ALMS1: variants seen among roughly 807,000 people sequenced by gnomAD.
ALMS1 encodes ALMS1 centrosome and basal body associated protein, also known as centrosome-associated protein ALMS1.
Under a neutral mutation model 352.2 loss-of-function variants are expected in ALMS1, and 271 were observed. The observed-to-expected ratio is 0.77, with a 90% CI of 0.70 to 0.85. The LOEUF (loss-of-function observed/expected upper bound fraction) is 0.85, where lower values mean the gene tolerates loss of function less well. Among genes scored for constraint, ALMS1 ranks in the 40% least tolerant of loss-of-function variants. The pLI, the probability that ALMS1 is intolerant of heterozygous loss-of-function variation, is 0.00. For missense variants in ALMS1, 5,445 were observed against 4,870.7 expected, an observed-to-expected ratio of 1.12 and a Z score of -3.51; for synonymous variants, 1,865 against 1,761.2, an observed-to-expected ratio of 1.06 and a Z score of -1.48.
chr2:73,502,956 C>A (rs72811931), intron 10 of ALMS1, among the ~76,000 whole-genome samples: 4,906 of 152,154 alleles, frequency 0.032, 117 homozygotes, highest in Non-Finnish European at 0.049. Flanking sequence ...CAATCACTTT[C>A]GTGTAATATA....
At chr2:73,603,382 A>C in intron 21 of ALMS1, 78 bp downstream of exon 21, 3 of 1,271,044 alleles carry the variant, frequency 2.4e-6, no homozygotes, top group Non-Finnish European at 2.3e-6. Context: ...GCTTGCACCC[A>C]GAATAAATGT....
At chr2:73,595,779 C>T (rs1675534590) in intron 16 of ALMS1, among the ~76,000 whole-genome samples, 1 of 152,194 alleles carries the variant, frequency 6.6e-6, no homozygotes, top group African/African-American at 2.4e-5. Flanking sequence ...GGTTTCTCCA[C>T]TTCCTTGTCA....
At chr2:73,483,041 T>C (rs1345505010) in intron 9 of ALMS1, among the ~76,000 whole-genome samples, 1 of 152,154 alleles carries the variant, frequency 6.6e-6, no homozygotes, top group Admixed American at 6.5e-5. Flanking sequence ...ATTCATTAAT[T>C]TTTTGAAGGG....
In ALMS1 at chr2:73,412,383, A is replaced by G. The variant is rs141368503; in HGVS notation, c.450+3636A>G. Among the ~76,000 whole-genome samples the G allele has an allele frequency of 8.4e-3, 1,281 of 152,292 alleles. 16 individuals carry two copies. The highest frequency in any genetic ancestry group is 0.027 in the African/African-American group (1,133 of 41,566). On this transcript the variant is annotated intron_variant, in intron 2 of 22. Coordinates refer to ENST00000613296, the MANE Select transcript of ALMS1 (RefSeq NM_001378454.1). ...TCACTTGGCTTAGCTTTTGAGATTT[A>G]TCCATGTTGTTGCATGTATCAATAA...
intron 12 of ALMS1, among the ~76,000 whole-genome samples, chr2:73,547,678 C>T (rs543503116): frequency 6.6e-6 from 1 of 152,174 alleles, no homozygotes; most frequent in South Asian, 2.1e-4. Context: ...TTAAAGTGTT[C>T]GGATTTTATT....
Position 73,435,437 on chromosome 2 carries a change from G to A in ALMS1, c.1432+3146G>A, listed in dbSNP as rs552608791. Among the ~76,000 whole-genome samples the A allele has an allele frequency of 2.7e-5, 4 of 150,870 alleles. No individual in the cohort carries two copies. The East Asian group carries it at 7.8e-4, about 29-fold the overall frequency. On this transcript the variant is annotated intron_variant, in intron 7 of 22. Coordinates refer to ENST00000613296, the MANE Select transcript of ALMS1 (RefSeq NM_001378454.1). ...GTTATATTCTTAGTGATTACTCTGGGGCTTATAATATTTATCTTATCAGAA... is the reference window on the plus strand; with the variant it reads ...GTTATATTCTTAGTGATTACTCTGGAGCTTATAATATTTATCTTATCAGAA...
chr2:73,412,752 C>T (rs773113957), intron 2 of ALMS1, among the ~76,000 whole-genome samples: 4 of 152,038 alleles, frequency 2.6e-5, no homozygotes, highest in Admixed American at 6.6e-5. Flanking sequence ...GTCAGGATGG[C>T]GCCAGTGCAC....
chr2:73,541,949 G>C (rs549927141), intron 12 of ALMS1, among the ~76,000 whole-genome samples: 1 of 152,154 alleles, frequency 6.6e-6, no homozygotes, highest in East Asian at 1.9e-4. Context: ...ACAAGGAGGA[G>C]CTGGTACCAT....
At chr2:73,600,496 C>T (rs751035353) in intron 17 of ALMS1, among the ~76,000 whole-genome samples, 182 bp from the exon 18 acceptor site, 16 of 151,976 alleles carry the variant, frequency 1.1e-4, no homozygotes, top group Non-Finnish European at 2.1e-4. Flanking sequence ...TTTTCTTTGC[C>T]CTCTTTTTCC....
At chr2:73,596,541 G>A (rs940834590) in intron 16 of ALMS1, among the ~76,000 whole-genome samples, 1 of 149,420 alleles carries the variant, frequency 6.7e-6, no homozygotes, top group Non-Finnish European at 1.5e-5. Flanking sequence ...GCACAATCTC[G>A]GCACACTGCA....
intron 20 of ALMS1, 26 bp downstream of exon 20, chr2:73,602,394 G>A (rs753466224): frequency 1.9e-6 from 3 of 1,613,608 alleles, no homozygotes; most frequent in Admixed American, 1.7e-5. Flanking sequence ...TCACTTTCCT[G>A]TGAGTGGAAT....
intron 7 of ALMS1, 21 bp downstream of exon 7, chr2:73,432,312 GT>G: frequency 6.5e-7 from 1 of 1,544,496 alleles, no homozygotes; most frequent in Non-Finnish European, 9.0e-7. Context: ...AAAGGAGATA[GT>G]AAATGTCCTA....
At chr2:73,426,867 T>A (rs1671390442) in intron 6 of ALMS1, among the ~76,000 whole-genome samples, 1 of 152,216 alleles carries the variant, frequency 6.6e-6, no homozygotes, top group African/African-American at 2.4e-5. Flanking sequence ...TTTGAAAAAT[T>A]TCCAAATTTT....
intron 1 of ALMS1, among the ~76,000 whole-genome samples, chr2:73,394,020 C>T (rs1276683837): frequency 2.0e-5 from 3 of 151,794 alleles, no homozygotes; most frequent in Non-Finnish European, 2.9e-5. Context: ...GGAATCTCAC[C>T]ATGTTGCCCA....
chr2:73,488,937 C>T (rs1439711994), intron 9 of ALMS1, among the ~76,000 whole-genome samples: 1 of 152,158 alleles, frequency 6.6e-6, no homozygotes, highest in Non-Finnish European at 1.5e-5. Flanking sequence ...GGTCAAGCTT[C>T]TGTAATAGCC....
At chr2:73,527,139 A>G (rs1572996328) in intron 11 of ALMS1, among the ~76,000 whole-genome samples, 1 of 152,012 alleles carries the variant, frequency 6.6e-6, no homozygotes, top group East Asian at 1.9e-4. Context: ...ATGATGAATG[A>G]TCTTTTTAAT....
At chr2:73,492,033 T>G (rs568527675) in intron 10 of ALMS1, among the ~76,000 whole-genome samples, 2 of 152,322 alleles carry the variant, frequency 1.3e-5, no homozygotes, top group Admixed American at 6.5e-5. Flanking sequence ...GTAAAACATC[T>G]GTCAACATAA....
chr2:73,554,934 C>T (rs547681134), intron 13 of ALMS1, among the ~76,000 whole-genome samples: 2 of 152,050 alleles, frequency 1.3e-5, no homozygotes, highest in South Asian at 2.1e-4. Flanking sequence ...GTAAGATAAA[C>T]AATACGGTAC....
intron 16 of ALMS1, among the ~76,000 whole-genome samples, chr2:73,580,300 C>G (rs537551156): frequency 6.6e-6 from 1 of 152,282 alleles, no homozygotes; most frequent in South Asian, 2.1e-4. Flanking sequence ...CTATCTTCAC[C>G]TATCTTCAAG....
Sources: allele counts gnomAD v4.1 joint callset (sites outside exome capture counted in the v4.1 genomes callset), GRCh38; gene constraint gnomAD v4.1.1; transcripts MANE v1.5; gene names NCBI Gene and HGNC (gene_info 2026-07-23, HGNC 2026-07-21).